Variants in NAE1 observed in about 807,000 individuals in gnomAD.
NAE1 encodes the protein NEDD8 activating enzyme E1 subunit 1, also known as NEDD8-activating enzyme E1 regulatory subunit.
A neutral mutation model predicts 88.0 loss-of-function variants in NAE1; 59 were observed. The ratio of observed to expected loss-of-function variants is 0.67; its 90% CI spans 0.54 to 0.83. The LOEUF is 0.83. Ranked by LOEUF, NAE1 falls within the 40% of genes least tolerant of loss-of-function variation. NAE1 has a pLI of 0.00. For synonymous variants in NAE1, 186 were observed against 208.9 expected (o/e 0.89, Z 0.95); for missense variants, 554 against 632.8 (o/e 0.88, Z 1.34).
intron 19 of NAE1, among the ~76,000 whole-genome samples, chr16:66,805,124 G>C (rs930406100): frequency 6.6e-6 from 1 of 152,108 alleles, no homozygotes; most frequent in Non-Finnish European, 1.5e-5. Flanking sequence ...AGGCAAATAG[G>C]CACAGAGGAG....
chr16:66,809,454 T>A (rs1959698658), intron 15 of NAE1, among the ~76,000 whole-genome samples: 1 of 152,228 alleles, frequency 6.6e-6, no homozygotes, highest in African/African-American at 2.4e-5. Context: ...ATCATTATTA[T>A]GGATAAGTAG....
chr16:66,810,851 CTTTCCT>C lies in NAE1; in HGVS notation c.1035-85_1035-80del, dbSNP rs919987588. ...AATTGTTACCATGAACAAAAATTTT[CTTTCCT>C]TTTCATGAAAAAACACAGGTCTGAC... On this transcript the variant is annotated intron_variant, in intron 13 of 19. Transcript: ENST00000290810. The C allele has an allele frequency of 1.1e-5, 15 of 1,310,518 alleles. No individual in the cohort carries two copies. The African/African-American group carries it at 2.2e-4, about 19-fold the overall frequency. 81.2% of individuals were successfully genotyped at this position (1,310,518 alleles called of 1,614,324 possible).
intron 1 of NAE1, chr16:66,827,922 G>C (rs764571411): frequency 6.8e-7 from 1 of 1,469,868 alleles, no homozygotes; most frequent in Non-Finnish European, 9.5e-7. Flanking sequence ...CTGGGTTCAA[G>C]CATTTCTCTC....
rs1960399685 is a variant in NAE1 at position 66,824,841 on chromosome 16, C to A, written c.249+14G>T. On this transcript the variant is annotated intron_variant, in intron 4 of 19. Transcript: ENST00000290810. ...TTAGATGCTCACATCCAACTATATTCTCTAATTGTTTACCTTGCCGATACT... is the reference window on the plus strand; with the variant it reads ...TTAGATGCTCACATCCAACTATATTATCTAATTGTTTACCTTGCCGATACT... The A allele has an allele frequency of 1.2e-6, 2 of 1,605,684 alleles. No homozygotes were observed. Among genetic ancestry groups the A allele is most frequent in the Non-Finnish European group, 1.7e-6 (2 of 1,174,422 alleles).
intron 1 of NAE1, 59 bp downstream of exon 1, chr16:66,830,788 C>G: frequency 6.8e-7 from 1 of 1,476,470 alleles, no homozygotes. Context: ...GCCCTTAGGC[C>G]CGGCCCGAAT....
rs376755360 is a variant in NAE1 at position 66,813,862 on chromosome 16, G to C, written c.841-16C>G. 2.6e-5 allele frequency: 41 copies of C among 1,607,486 alleles called. No homozygotes were observed. The African/African-American group carries it at 4.3e-4, about 17-fold the overall frequency. On this transcript the variant is annotated splice_polypyrimidine_tract_variant and intron_variant, in intron 11 of 19. Coordinates refer to ENST00000290810, the MANE Select transcript of NAE1 (RefSeq NM_003905.4). ...TGCTTGGGATCTAACAAAGGAACATGAAACATTTACTTACACAGTATTAAG... is the reference window on the plus strand; with the variant it reads ...TGCTTGGGATCTAACAAAGGAACATCAAACATTTACTTACACAGTATTAAG...
chr16:66,828,143 CT>C, intron 1 of NAE1: 1 of 1,186,606 alleles, frequency 8.4e-7, no homozygotes, highest in Middle Eastern at 2.0e-4. Context: ...TAGAAGACAC[CT>C]GACATATATG....
chr16:66,802,989 ACTT>A lies in NAE1; in HGVS notation c.*17_*19del, dbSNP rs745862163. The A allele has an allele frequency of 2.3e-5, 33 of 1,443,246 alleles. No individual in the cohort carries two copies. The African/African-American group carries it at 4.2e-4, about 18-fold the overall frequency. The allele number at this position is 1,443,246 out of a possible 1,614,324, so 89.4% of individuals were successfully genotyped here. ...TTACAGTTTCAATCATTAACACACT[ACTT>A]AAGGTGCTTGCTTACTCTACAACTG... On this transcript the variant is annotated 3_prime_UTR_variant, in exon 20 of 20. Coordinates refer to ENST00000290810, the MANE Select transcript of NAE1 (RefSeq NM_003905.4).
At chr16:66,812,284 T>C (rs1010388575) in intron 13 of NAE1, among the ~76,000 whole-genome samples, 3 of 152,128 alleles carry the variant, frequency 2.0e-5, no homozygotes, top group African/African-American at 4.8e-5. Flanking sequence ...AGTTTCTTCA[T>C]GTGTAAAATG....
At position 66,816,984 on chromosome 16, in the gene NAE1, G is replaced by C; in HGVS notation, c.729C>G (p.Phe243Leu). ...IPKTYKEKED[F>L]RDLIRQGILK... Reference sequence around the variant, plus strand: ...TATTACCTTGTCTAATCAAATCTCTGAAGTCCTCTTTTTCTTTATACGTTT... The same window carrying C: ...TATTACCTTGTCTAATCAAATCTCTCAAGTCCTCTTTTTCTTTATACGTTT... The change falls in exon 10 of 20, where the codon TTC becomes TTG. Residue 243 changes from phenylalanine to leucine, a missense_variant. Coordinates refer to ENST00000290810, the MANE Select transcript of NAE1 (RefSeq NM_003905.4). The C allele has an allele frequency of 6.3e-7, 1 of 1,599,336 alleles. No homozygotes were observed. Among genetic ancestry groups the C allele is most frequent in the South Asian group, 1.2e-5 (1 of 86,770 alleles).
At chr16:66,827,832 C>G (rs768984152) in intron 1 of NAE1, 2 of 641,118 alleles carry the variant, frequency 3.1e-6, no homozygotes, top group Admixed American at 2.7e-5. Context: ...TCCTCCAGAG[C>G]ATGTCAAGCA....
At chr16:66,821,211 G>A (rs1485004392) in intron 7 of NAE1, among the ~76,000 whole-genome samples, 2 of 152,196 alleles carry the variant, frequency 1.3e-5, no homozygotes, top group African/African-American at 2.4e-5. Flanking sequence ...CATAGTTGCT[G>A]GATCTCCTAA....
chr16:66,804,649 G>T (rs1959489693), intron 19 of NAE1, among the ~76,000 whole-genome samples: 1 of 152,108 alleles, frequency 6.6e-6, no homozygotes, highest in African/African-American at 2.4e-5. Context: ...GGGTGTTATG[G>T]ACTGAATGGT....
intron 3 of NAE1, among the ~76,000 whole-genome samples, chr16:66,825,687 G>GT (rs1960440014): frequency 6.6e-6 from 1 of 151,966 alleles, no homozygotes; most frequent in Non-Finnish European, 1.5e-5. Context: ...GTTTTTGCAC[G>GT]TAACTGTAAC....
At position 66,830,951 on chromosome 16, in the gene NAE1, C is replaced by T. The variant is rs1203836796; in HGVS notation, c.-52G>A. On this transcript the variant is annotated 5_prime_UTR_variant, in exon 1 of 20. Coordinates refer to ENST00000290810, the MANE Select transcript of NAE1 (RefSeq NM_003905.4). ...CCGAGCCCCTGCGGAGCGCCGCCAC[C>T]AGCTCCACAAGCGCGCAGGCGCACT... 6.8e-7 allele frequency: 1 copy of T among 1,472,378 alleles called. No individual in the cohort carries two copies. The highest frequency in any genetic ancestry group is 9.0e-7 in the Non-Finnish European group (1 of 1,116,116). 91.2% of individuals were successfully genotyped at this position (1,472,378 alleles called of 1,614,324 possible). A position where few individuals can be genotyped will look rare whatever the true frequency, so the allele number is the denominator to read the frequency against.
chr16:66,816,757 C>T lies in NAE1; in HGVS notation c.749-85G>A, dbSNP rs1385097494. On this transcript the variant is annotated intron_variant, in intron 10 of 19. Transcript: ENST00000290810. ...ATTATAAAAATAACCTTGTCAGATC[C>T]TGCAGAATATTAAATCTTAAGAAGA... 3 of 1,292,498 alleles carry T rather than the reference C, an allele frequency of 2.3e-6. No individual in the cohort carries two copies. The African/African-American group carries it at 4.5e-5, about 19-fold the overall frequency. The allele number at this position is 1,292,498 out of a possible 1,614,324, so 80.1% of individuals were successfully genotyped here.
At chr16:66,804,855 A>G (rs1959500694) in intron 19 of NAE1, among the ~76,000 whole-genome samples, 1 of 151,818 alleles carries the variant, frequency 6.6e-6, no homozygotes, top group Non-Finnish European at 1.5e-5. Flanking sequence ...AGAGCTGCCT[A>G]TGAACCAGGA....
rs1960106810 is a variant in NAE1, at chr16:66,817,827, TGTTA to T, written c.622-344_622-341del. On this transcript the variant is annotated intron_variant, in intron 8 of 19. Transcript: ENST00000290810. Reference sequence around the variant, plus strand: ...CTGATGAACCAAATAAGCAACTGCATGTTAATTAATATGGAAGTGGGAAAAAATA... The same window carrying T: ...CTGATGAACCAAATAAGCAACTGCATATTAATATGGAAGTGGGAAAAAATA... Among the ~76,000 whole-genome samples, 11 of 152,278 alleles carry T rather than the reference TGTTA, an allele frequency of 7.2e-5. No individual in the cohort carries two copies. In the South Asian group the frequency reaches 2.3e-3, roughly 32 times the overall value.
At position 66,830,867 on chromosome 16, in the gene NAE1, C is replaced by G. The variant is rs759592359; in HGVS notation, c.33G>C (p.Gln11His). 2.0e-6 allele frequency: 3 copies of G among 1,534,228 alleles called. No homozygotes were observed. Among genetic ancestry groups the G allele is most frequent in the Non-Finnish European group, 2.6e-6 (3 of 1,149,794 alleles). ...CTCACCTCAGCTGCCGGTCGTACTT[C>G]TGCTCCTTGAGCAGCTTTCCCAGCT... MAQLGKLLKE[Q>H]KYDRQLRLWG... The change falls in exon 1 of 20, where the codon CAG becomes CAC. Residue 11 changes from glutamine to histidine, a missense_variant. Transcript: ENST00000290810.
Sources: allele counts gnomAD v4.1 joint callset (sites outside exome capture counted in the v4.1 genomes callset), GRCh38; gene constraint gnomAD v4.1.1; transcripts MANE v1.5; gene names NCBI Gene and HGNC (gene_info 2026-07-23, HGNC 2026-07-21).